CCM2: variants seen among roughly 807,000 people sequenced by gnomAD.
CCM2 encodes CCM2 scaffold protein, also known as cerebral cavernous malformations 2 protein.
CCM2 carries 25 observed loss-of-function variants against 44.9 expected under a neutral mutation model. That is an observed-to-expected ratio of 0.56 (90% CI 0.41 to 0.78). CCM2 has a LOEUF of 0.78. CCM2 is among the 30% of genes least tolerant of loss of function. CCM2 has a pLI of 0.00. For missense variants in CCM2, 481 were observed against 580.6 expected (o/e 0.83, Z 1.76); for synonymous variants, 219 against 241.1 (o/e 0.91, Z 0.85).
chr7:45,023,223 G>A (rs1003778680), intron 1 of CCM2, among the ~76,000 whole-genome samples: 5 of 151,994 alleles, frequency 3.3e-5, no homozygotes, highest in South Asian at 2.1e-4. Flanking sequence ...AACCATGCCC[G>A]GCCCAGACTT....
At chr7:45,032,668 G>A (rs551076766) in intron 1 of CCM2, among the ~76,000 whole-genome samples, 224 of 152,254 alleles carry the variant, frequency 1.5e-3, no homozygotes, top group African/African-American at 5.1e-3. Context: ...GCCTAGCCTG[G>A]TCCAAGCGTT....
chr7:45,052,594 G>A (rs1798064432), intron 2 of CCM2, among the ~76,000 whole-genome samples: 1 of 152,184 alleles, frequency 6.6e-6, no homozygotes, highest in Non-Finnish European at 1.5e-5. Flanking sequence ...AGTAGTTCCT[G>A]ATTGGTTTGA....
chr7:45,046,069 T>C (rs1162935134), intron 2 of CCM2, among the ~76,000 whole-genome samples: 2 of 152,216 alleles, frequency 1.3e-5, no homozygotes, highest in Non-Finnish European at 2.9e-5. Flanking sequence ...TTGATATAAA[T>C]GGACCAACTC....
chr7:45,073,158 G>GC, intron 7 of CCM2: 1 of 572,912 alleles, frequency 1.7e-6, no homozygotes, highest in Non-Finnish European at 3.1e-6. Context: ...CTCCATTCCT[G>GC]CCACCTCCCC....
intron 1 of CCM2, among the ~76,000 whole-genome samples, chr7:45,017,637 A>G (rs1212243490): frequency 6.6e-6 from 1 of 152,098 alleles, no homozygotes; most frequent in Non-Finnish European, 1.5e-5. Flanking sequence ...TTTTTTCCCC[A>G]TGATCTTCAT....
chr7:45,000,970 G>C (rs568372498), intron 1 of CCM2, among the ~76,000 whole-genome samples: 1 of 152,206 alleles, frequency 6.6e-6, no homozygotes, highest in Non-Finnish European at 1.5e-5. Flanking sequence ...AACATTTTAA[G>C]ACTGGAAAAA....
At chr7:45,009,960 A>G (rs1583840358) in intron 1 of CCM2, among the ~76,000 whole-genome samples, 1 of 151,292 alleles carries the variant, frequency 6.6e-6, no homozygotes, top group Non-Finnish European at 1.5e-5. Flanking sequence ...CAGAGGCTGG[A>G]GTGCCGTGGT....
intron 6 of CCM2, chr7:45,071,958 G>T: frequency 2.3e-6 from 1 of 430,588 alleles, no homozygotes; most frequent in Admixed American, 2.5e-5. Context: ...CGTCTTTGGG[G>T]GGTCATTATT....
intron 1 of CCM2, among the ~76,000 whole-genome samples, chr7:45,004,138 C>T (rs1459916235): frequency 2.0e-5 from 3 of 152,034 alleles, no homozygotes; most frequent in Non-Finnish European, 4.4e-5. Flanking sequence ...GTGATTGTGC[C>T]ACCACCTGAG....
At position 45,069,979 on chromosome 7, in the gene CCM2, G is replaced by A; in HGVS notation, c.745+18G>A. 1 of 1,613,064 alleles carries A rather than the reference G, an allele frequency of 6.2e-7. No individual in the cohort carries two copies. The highest frequency in any genetic ancestry group is 8.5e-7 in the Non-Finnish European group (1 of 1,179,936). On this transcript the variant is annotated intron_variant, in intron 6 of 9. Transcript: ENST00000258781. ...GCACAGCGGTATGTTGAGTGAGAGT[G>A]GGCAGCGGGTGGGAGCAGGGACAGG...
At chr7:45,055,017 A>G (rs1798192921) in intron 2 of CCM2, among the ~76,000 whole-genome samples, 2 of 152,228 alleles carry the variant, frequency 1.3e-5, no homozygotes, top group Non-Finnish European at 2.9e-5. Context: ...AAAAATCTCA[A>G]ATGAGTAAAG....
chr7:45,055,369 T>G (rs1445081364), intron 2 of CCM2, among the ~76,000 whole-genome samples: 1 of 152,310 alleles, frequency 6.6e-6, no homozygotes, highest in African/African-American at 2.4e-5. Context: ...TTAGATGAAA[T>G]TTTTTATTGT....
At chr7:45,050,562 C>G (rs929540828) in intron 2 of CCM2, among the ~76,000 whole-genome samples, 2 of 152,144 alleles carry the variant, frequency 1.3e-5, no homozygotes, top group Admixed American at 1.3e-4. Context: ...TGGTCTTTGC[C>G]AGTCTGATAT....
At chr7:45,010,220 A>G (rs1280259438) in intron 1 of CCM2, among the ~76,000 whole-genome samples, 1 of 152,230 alleles carries the variant, frequency 6.6e-6, no homozygotes, top group Non-Finnish European at 1.5e-5. Flanking sequence ...CAAATAATAC[A>G]CATCTTCAGT....
intron 4 of CCM2, among the ~76,000 whole-genome samples, chr7:45,066,725 G>A (rs1465755882): frequency 6.6e-6 from 1 of 152,070 alleles, no homozygotes; most frequent in East Asian, 1.9e-4. Flanking sequence ...GCACTTCCTG[G>A]ATGATATAGG....
Position 45,075,758 on chromosome 7 carries a change from G to GGGTGT in CCM2, c.1055-18_1055-14dup. On this transcript the variant is annotated intron_variant, in intron 9 of 9. Transcript: ENST00000258781. ...TGAGCCGAACTGGAGGTGCCATGCT[G>GGGTGT]GGTGTTGTGTGTCTGCAGGTCTGAG... is the stretch of plus-strand genomic sequence containing the variant. The GGGTGT allele has an allele frequency of 6.2e-7, 1 of 1,613,506 alleles. No individual in the cohort carries two copies. Among genetic ancestry groups the GGGTGT allele is most frequent in the Non-Finnish European group, 8.5e-7 (1 of 1,179,994 alleles).
At chr7:45,073,326 C>G in intron 7 of CCM2, 134 bp from the exon 8 acceptor site, 1 of 688,226 alleles carries the variant, frequency 1.5e-6, no homozygotes, top group East Asian at 2.7e-5. Context: ...CTCCTCTCAT[C>G]ATCATCATCA....
At chr7:45,069,467 A>G (rs184964412) in intron 5 of CCM2, among the ~76,000 whole-genome samples, 2 of 152,300 alleles carry the variant, frequency 1.3e-5, no homozygotes, top group East Asian at 1.9e-4. Flanking sequence ...TGTGATACTG[A>G]TGGTATCTCC....
chr7:45,044,146 C>G (rs913777860), intron 2 of CCM2, among the ~76,000 whole-genome samples: 1 of 151,864 alleles, frequency 6.6e-6, no homozygotes, highest in African/African-American at 2.4e-5. Context: ...TGTTTTGTTT[C>G]GTTTTGGGAT....
Sources: gnomAD v4.1 joint callset for allele counts (sites outside exome capture counted in the v4.1 genomes callset) on GRCh38, gnomAD v4.1.1 for gene constraint, MANE v1.5 for transcripts, NCBI Gene and HGNC (gene_info 2026-07-23, HGNC 2026-07-21) for gene names.